The following EFR3B variants were observed in gnomAD, a reference collection of about 807,000 sequenced individuals.
The protein encoded by EFR3B is protein EFR3 homolog B.
EFR3B carries 64 observed loss-of-function variants against 104.7 expected under a neutral mutation model. The ratio of observed to expected loss-of-function variants is 0.61; its 90% CI spans 0.50 to 0.75. The LOEUF is 0.75. EFR3B is among the 30% of genes least tolerant of loss of function. The pLI is 0.00. For missense variants in EFR3B, 750 were observed against 1,078.5 expected (o/e 0.70, Z 4.27); for synonymous variants, 385 against 417.9 (o/e 0.92, Z 0.96).
intron 22 of EFR3B, 58 bp downstream of exon 22, chr2:25,153,819 T>C: frequency 6.7e-7 from 1 of 1,494,558 alleles, no homozygotes; most frequent in Non-Finnish European, 9.1e-7. Context: ...TTGGGGTTCC[T>C]CATCCTGAGT....
chr2:25,091,398 C>A lies in EFR3B; in HGVS notation c.81C>A (p.Pro27=). 1.3e-6 allele frequency: 2 copies of A among 1,549,084 alleles called. No individual in the cohort carries two copies. Among genetic ancestry groups the A allele is most frequent in the South Asian group, 1.2e-5 (1 of 83,772 alleles). Residue 27 remains proline, a synonymous_variant, in exon 2 of 23, where the codon CCC becomes CCA. Coordinates refer to ENST00000403714, the MANE Select transcript of EFR3B (RefSeq NM_014971.2). ...TTGACAACATCTTCCCTGAGGATCCCGAGGTGGGTCATGTCTCTGGCAGGC... is the reference window on the plus strand; with the variant it reads ...TTGACAACATCTTCCCTGAGGATCCAGAGGTGGGTCATGTCTCTGGCAGGC... The part of the protein sequence containing the change: ...RLVDNIFPED[P]EDGLVKTNME...
At chr2:25,069,021 C>T (rs919597231) in intron 1 of EFR3B, among the ~76,000 whole-genome samples, 3 of 151,602 alleles carry the variant, frequency 2.0e-5, no homozygotes, top group African/African-American at 7.3e-5. Context: ...GCAACCTCCG[C>T]CTCCCGGATT....
rs185613056 is a variant in EFR3B at position 25,142,602 on chromosome 2, T to G, written c.1923-1133T>G. ...AGTAAAACCCTGTCTCTACTAAAAA[T>G]ACAAAAATTAGCCAGGTGTGGTGGC... is the stretch of plus-strand genomic sequence containing the variant. On this transcript the variant is annotated intron_variant, in intron 17 of 22. Transcript: ENST00000403714. 5.4e-3 allele frequency among the ~76,000 whole-genome samples: 813 copies of G among 150,630 alleles called. 4 individuals are homozygous for G. The highest frequency in any genetic ancestry group is 0.014 in the South Asian group (65 of 4,754).
intron 20 of EFR3B, among the ~76,000 whole-genome samples, chr2:25,150,761 C>T (rs990706466): frequency 1.3e-5 from 2 of 152,090 alleles, no homozygotes; most frequent in African/African-American, 2.4e-5. Context: ...CAGGTGCCCG[C>T]CACCACACCC....
Position 25,137,288 on chromosome 2 carries a change from C to T in EFR3B, c.1561-53C>T. The T allele has an allele frequency of 1.3e-6, 2 of 1,541,308 alleles. No individual in the cohort carries two copies. Among genetic ancestry groups the T allele is most frequent in the South Asian group, 1.2e-5 (1 of 82,584 alleles). On this transcript the variant is annotated intron_variant, in intron 14 of 22. Transcript: ENST00000403714. This position sits in a 1 kb window ranked among gnomAD's most constrained non-coding sequence, Gnocchi z 4.7. ...TGGTCTTCCTCCGTGTTCTCCTTGC[C>T]CCTCCTGTCCCCATCCCTCCGACCC...
In EFR3B at chr2:25,159,069, T is replaced by A. The variant is rs966220660; in HGVS notation, c.*4729T>A. The A allele has an allele frequency of 2.0e-5, 3 of 152,202 alleles. No homozygotes were observed. Among genetic ancestry groups the A allele is most frequent in the Non-Finnish European group, 2.9e-5 (2 of 68,040 alleles). 9.4% of individuals were successfully genotyped at this position (152,202 alleles called of 1,614,324 possible). On this transcript the variant is annotated 3_prime_UTR_variant, in exon 23 of 23. Coordinates refer to ENST00000403714, the MANE Select transcript of EFR3B (RefSeq NM_014971.2). ...TCTTAGCAAAATCATTCTCTAGGACTATTAGTCGCGATCTCCCAGTGAGCC... is the reference window on the plus strand; with the variant it reads ...TCTTAGCAAAATCATTCTCTAGGACAATTAGTCGCGATCTCCCAGTGAGCC...
At position 25,154,112 on chromosome 2, in the gene EFR3B, T is replaced by TCCTGTG. The variant is rs1671095805; in HGVS notation, c.2349-123_2349-122insCCTGTG. 3 of 805,010 alleles carry TCCTGTG rather than the reference T, an allele frequency of 3.7e-6. No homozygotes were observed. The highest frequency in any genetic ancestry group is 5.9e-6 in the Non-Finnish European group (3 of 506,666). The allele number at this position is 805,010 out of a possible 1,614,324, so 49.9% of individuals were successfully genotyped here. A position where few individuals can be genotyped will look rare whatever the true frequency, so the allele number is the denominator to read the frequency against. ...CGTGGAATCCTGGGAACCTGTGGAA[T>TCCTGTG]GAAGGGGTCTCTGGTGCCTGTGCAA... is the stretch of plus-strand genomic sequence containing the variant. On this transcript the variant is annotated intron_variant, in intron 22 of 22. Transcript: ENST00000403714. The surrounding 1 kb of genome is among the most constrained non-coding windows in gnomAD (Gnocchi z 4.1).
Position 25,093,118 on chromosome 2 carries a change from G to A in EFR3B, c.200G>A (p.Arg67His), listed in dbSNP as rs993618185. Residue 67 changes from arginine (R) to histidine (H), a missense_variant, in exon 3 of 23, where the codon CGC becomes CAC. Transcript: ENST00000403714. Reference sequence around the variant, plus strand: ...GAGAGGCTCATCCGTGACGTGGGTCGCCATCGATATGGGTAAGTAGTTTGG... The same window carrying A: ...GAGAGGCTCATCCGTGACGTGGGTCACCATCGATATGGGTAAGTAGTTTGG... ...LSERLIRDVG[R>H]HRYGYVCIAM... is the part of the protein sequence containing the mutation. The A allele has an allele frequency of 5.2e-6, 8 of 1,551,658 alleles. No homozygotes were observed. In the African/African-American group the frequency reaches 5.5e-5, roughly 11 times the overall value.
rs892860008 is a variant in EFR3B, at chr2:25,131,926, C to T, written c.1147+15C>T. ...CAAGACCGTGGGTGCGGCGCGGGGC[C>T]GGGCCGGGGCGGGGCGGGGCCGAGG... On this transcript the variant is annotated intron_variant, in intron 10 of 22. Transcript: ENST00000403714. The surrounding 1 kb of genome is among the most constrained non-coding windows in gnomAD (Gnocchi z 7.6). 21 of 1,036,554 alleles carry T rather than the reference C, an allele frequency of 2.0e-5. No homozygotes were observed. The highest frequency in any genetic ancestry group is 4.5e-4 in the Middle Eastern group (1 of 2,242). The allele number at this position is 1,036,554 out of a possible 1,614,324, so 64.2% of individuals were successfully genotyped here.
chr2:25,129,693 G>A (rs1670275830), intron 6 of EFR3B, among the ~76,000 whole-genome samples: 2 of 152,080 alleles, frequency 1.3e-5, no homozygotes, highest in Non-Finnish European at 2.9e-5. Context: ...TGGCCCATGG[G>A]GCTCAGAGCA....
chr2:25,126,087 C>G (rs1170877766), intron 5 of EFR3B, among the ~76,000 whole-genome samples: 1 of 152,218 alleles, frequency 6.6e-6, no homozygotes, highest in Non-Finnish European at 1.5e-5. Flanking sequence ...AAATGAGATC[C>G]TCAATACTGC....
Position 25,114,584 on chromosome 2 carries a change from C to T in EFR3B, c.364-7089C>T, listed in dbSNP as rs1669809291. ...AGCCCGAGCCTCAAGTCTGCAACCTCCTAGGCAGTCCTGGGCCCCAGAGGG... is the reference window on the plus strand; with the variant it reads ...AGCCCGAGCCTCAAGTCTGCAACCTTCTAGGCAGTCCTGGGCCCCAGAGGG... On this transcript the variant is annotated intron_variant, in intron 4 of 22. Transcript: ENST00000403714. This position sits in a 1 kb window ranked among gnomAD's most constrained non-coding sequence, Gnocchi z 4.0. Among the ~76,000 whole-genome samples the T allele has an allele frequency of 6.6e-6, 1 of 152,146 alleles. No individual in the cohort carries two copies. Among genetic ancestry groups the T allele is most frequent in the South Asian group, 2.1e-4 (1 of 4,824 alleles).
At chr2:25,102,928 C>T (rs1669463585) in intron 3 of EFR3B, among the ~76,000 whole-genome samples, 1 of 152,142 alleles carries the variant, frequency 6.6e-6, no homozygotes, top group African/African-American at 2.4e-5. Context: ...AGTAATGCTG[C>T]CAACCATATT....
At chr2:25,122,659 G>A (rs1041850621) in intron 5 of EFR3B, among the ~76,000 whole-genome samples, 2 of 151,970 alleles carry the variant, frequency 1.3e-5, no homozygotes, top group Non-Finnish European at 2.9e-5. Flanking sequence ...TCACTGCATC[G>A]CCTCTGTCAA....
At chr2:25,150,210 G>A (rs1021839168) in intron 20 of EFR3B, among the ~76,000 whole-genome samples, 2 of 150,160 alleles carry the variant, frequency 1.3e-5, no homozygotes, top group African/African-American at 4.9e-5. Flanking sequence ...TGAGGCAGGA[G>A]AATTGCTTGA....
chr2:25,071,909 G>A lies in EFR3B; in HGVS notation c.8-19416G>A, dbSNP rs79934498. On this transcript the variant is annotated intron_variant, in intron 1 of 22. Transcript: ENST00000403714. ...TGGTTCTGGAAGGCTCCTGCCTGTG[G>A]CTTTCTCCCCTGAGTTTTCATCAGC... Among the ~76,000 whole-genome samples, 135 of 152,284 alleles carry A rather than the reference G, an allele frequency of 8.9e-4. 1 individual carries two copies. Among genetic ancestry groups the A allele is most frequent in the African/African-American group, 3.1e-3 (130 of 41,546 alleles).
chr2:25,111,451 TC>T (rs1669723541), intron 4 of EFR3B, among the ~76,000 whole-genome samples: 1 of 152,072 alleles, frequency 6.6e-6, no homozygotes, highest in African/African-American at 2.4e-5. Flanking sequence ...TCCCTTCACT[TC>T]CTCAGGCCTG....
intron 4 of EFR3B, among the ~76,000 whole-genome samples, chr2:25,120,870 A>G (rs1271945541): frequency 6.6e-6 from 1 of 151,712 alleles, no homozygotes; most frequent in Non-Finnish European, 1.5e-5. Flanking sequence ...TTAAAAATGG[A>G]CTCCAATTTT....
chr2:25,127,648 TA>T (rs1670204892), intron 5 of EFR3B, among the ~76,000 whole-genome samples: 1 of 152,168 alleles, frequency 6.6e-6, no homozygotes, highest in African/African-American at 2.4e-5. Context: ...TGGGTTCACA[TA>T]GCAGGGACTG....
Sources: allele counts gnomAD v4.1 joint callset (sites outside exome capture counted in the v4.1 genomes callset), GRCh38; gene constraint gnomAD v4.1.1; non-coding constraint Gnocchi (gnomAD v3.1); transcripts MANE v1.5; gene names NCBI Gene and HGNC (gene_info 2026-07-23, HGNC 2026-07-21).